The following PTPRJ variants were observed in gnomAD, a reference collection of about 807,000 sequenced individuals.
PTPRJ encodes the protein receptor-type tyrosine-protein phosphatase eta.
A neutral mutation model predicts 141.3 loss-of-function variants in PTPRJ; 129 were observed. The observed-to-expected ratio is 0.91, with a 90% CI of 0.79 to 1.06. The LOEUF is 1.06. Ranked by LOEUF, PTPRJ falls within the 50% of genes least tolerant of loss-of-function variation. PTPRJ has a pLI of 0.00. For synonymous variants in PTPRJ, 610 were observed against 640.5 expected (o/e 0.95, Z 0.72); for missense variants, 1,601 against 1,679.7 (o/e 0.95, Z 0.82).
chr11:48,054,315 T>C lies in PTPRJ; in HGVS notation c.97-55743T>C, dbSNP rs150757776. ...GGGGGCCCCATTGTGCAACCTCTTA[T>C]ATAGCAAATTAGAGTTTACCAGGAA... is the stretch of plus-strand genomic sequence containing the variant. On this transcript the variant is annotated intron_variant, in intron 1 of 24. Transcript: ENST00000418331. Among the ~76,000 whole-genome samples, 922 of 152,352 alleles carry C rather than the reference T, an allele frequency of 6.1e-3. 11 individuals carry two copies. Among genetic ancestry groups the C allele is most frequent in the Non-Finnish European group, 8.0e-3 (542 of 68,032 alleles).
intron 24 of PTPRJ, among the ~76,000 whole-genome samples, chr11:48,165,276 A>G (rs550795986): frequency 6.6e-6 from 1 of 152,350 alleles, no homozygotes; most frequent in South Asian, 2.1e-4. Flanking sequence ...TAATACAGCA[A>G]TTTATCCTCA....
chr11:48,144,573 G>A, intron 12 of PTPRJ, 102 bp from the exon 13 acceptor site: 1 of 906,608 alleles, frequency 1.1e-6, no homozygotes, highest in South Asian at 1.6e-5. Flanking sequence ...AGAGATGGTT[G>A]CTGATCACTA....
intron 14 of PTPRJ, among the ~76,000 whole-genome samples, chr11:48,146,613 AG>A: frequency 6.6e-6 from 1 of 152,186 alleles, no homozygotes; most frequent in Non-Finnish European, 1.5e-5. Context: ...AGACCTGGAG[AG>A]GAACAGTAAC....
intron 1 of PTPRJ, among the ~76,000 whole-genome samples, chr11:48,021,376 AAAAT>A (rs71457241): frequency 0.35 from 47,799 of 136,070 alleles, 9,516 homozygotes; most frequent in Non-Finnish European, 0.44. Flanking sequence ...CTCCGTCCCT[AAAAT>A]AAATAAATAA....
chr11:48,091,136 G>A (rs998101396), intron 1 of PTPRJ, among the ~76,000 whole-genome samples: 26 of 152,154 alleles, frequency 1.7e-4, no homozygotes, highest in African/African-American at 5.3e-4. Flanking sequence ...GTTGTGCCCC[G>A]AGGAGGAAGG....
Position 48,168,476 on chromosome 11 carries a change from C to T in PTPRJ, c.*1114C>T, listed in dbSNP as rs1299814257. The T allele has an allele frequency of 2.1e-5, 3 of 144,072 alleles. No homozygotes were observed. The highest frequency in any genetic ancestry group is 4.5e-5 in the Non-Finnish European group (3 of 66,346). 8.9% of individuals were successfully genotyped at this position (144,072 alleles called of 1,614,324 possible). A position where few individuals can be genotyped will look rare whatever the true frequency, so the allele number is the denominator to read the frequency against. On this transcript the variant is annotated 3_prime_UTR_variant, in exon 25 of 25. Transcript: ENST00000418331. ...TTCAGTGTCAGATTAATCCCTCCTTCCCCAAAGTCCACTGGCTTTCGTCTC... is the reference window on the plus strand; with the variant it reads ...TTCAGTGTCAGATTAATCCCTCCTTTCCCAAAGTCCACTGGCTTTCGTCTC...
intron 1 of PTPRJ, among the ~76,000 whole-genome samples, chr11:48,021,489 G>A (rs1855123966): frequency 6.6e-6 from 1 of 152,102 alleles, no homozygotes; most frequent in Non-Finnish European, 1.5e-5. Context: ...TAGATGTTAT[G>A]GAAGCCCCAG....
At chr11:48,099,432 G>A (rs1265902143) in intron 1 of PTPRJ, among the ~76,000 whole-genome samples, 6 of 152,156 alleles carry the variant, frequency 3.9e-5, no homozygotes, top group Non-Finnish European at 8.8e-5. Context: ...ACATATCATC[G>A]ATGGCTGGTT....
intron 1 of PTPRJ, among the ~76,000 whole-genome samples, chr11:48,069,193 G>T (rs1012834041): frequency 6.6e-6 from 1 of 151,340 alleles, no homozygotes; most frequent in Non-Finnish European, 1.5e-5. Flanking sequence ...TCCGCCTCCC[G>T]GGATAAAGCG....
intron 1 of PTPRJ, among the ~76,000 whole-genome samples, chr11:48,003,652 T>C (rs1159748781): frequency 6.6e-6 from 1 of 152,124 alleles, no homozygotes; most frequent in Admixed American, 6.6e-5. Context: ...CCCACCACCA[T>C]GCCCAGCTAA....
In PTPRJ at chr11:48,163,539, C is replaced by G. The variant is rs1204697594; in HGVS notation, c.3640C>G (p.Leu1214Val). The G allele has an allele frequency of 1.2e-6, 2 of 1,613,894 alleles. No individual in the cohort carries two copies. Among genetic ancestry groups the G allele is most frequent in the Non-Finnish European group, 1.7e-6 (2 of 1,179,760 alleles). Reference protein sequence around the residue: ...PDHGVPDTTDLLINFRYLVRD... With the variant: ...PDHGVPDTTDVLINFRYLVRD... ...CCACGGTGTTCCCGACACCACTGACCTGCTCATCAACTTCCGGTACCTCGT... is the reference window on the plus strand; with the variant it reads ...CCACGGTGTTCCCGACACCACTGACGTGCTCATCAACTTCCGGTACCTCGT... The change falls in exon 23 of 25, where the codon CTG becomes GTG. Residue 1214 changes from leucine to valine, a missense_variant. Physicochemically the swap from Leu to Val is conservative, Grantham distance 32. Coordinates refer to ENST00000418331, the MANE Select transcript of PTPRJ (RefSeq NM_002843.4).
intron 18 of PTPRJ, among the ~76,000 whole-genome samples, chr11:48,152,399 C>T (rs1400094831): frequency 6.6e-6 from 1 of 151,966 alleles, no homozygotes; most frequent in Non-Finnish European, 1.5e-5. Flanking sequence ...CTGTAGGTTG[C>T]CTGTTCACTC....
At chr11:48,022,859 A>G (rs1853690979) in intron 1 of PTPRJ, among the ~76,000 whole-genome samples, 1 of 152,146 alleles carries the variant, frequency 6.6e-6, no homozygotes, top group Non-Finnish European at 1.5e-5. Flanking sequence ...AGATGACCCA[A>G]GGACTCTTTC....
At chr11:48,109,401 C>A (rs1156768386) in intron 1 of PTPRJ, among the ~76,000 whole-genome samples, 1 of 152,110 alleles carries the variant, frequency 6.6e-6, no homozygotes. Context: ...CAATGAATAT[C>A]CTTGAGGGCT....
intron 1 of PTPRJ, among the ~76,000 whole-genome samples, chr11:48,095,189 T>C (rs1855972364): frequency 6.6e-6 from 1 of 152,210 alleles, no homozygotes; most frequent in Non-Finnish European, 1.5e-5. Context: ...CACAGAGTCC[T>C]GTTGTCTCAG....
At chr11:48,069,736 C>T (rs58907111) in intron 1 of PTPRJ, among the ~76,000 whole-genome samples, 2,480 of 152,288 alleles carry the variant, frequency 0.016, 71 homozygotes, top group African/African-American at 0.057. Context: ...CAGGCCTCTG[C>T]GCCTGGCCTT....
At chr11:48,106,334 C>T (rs1856287451) in intron 1 of PTPRJ, among the ~76,000 whole-genome samples, 1 of 152,176 alleles carries the variant, frequency 6.6e-6, no homozygotes. Context: ...TACATGTGTG[C>T]ACCTGGAGCT....
In PTPRJ at chr11:48,153,492, CAAAAAAAAAAAAA is replaced by C. The variant is rs59516853; in HGVS notation, c.3139-290_3139-278del. Among the ~76,000 whole-genome samples the C allele has an allele frequency of 8.4e-3, 572 of 68,452 alleles. 4 individuals are homozygous for C. Among genetic ancestry groups the C allele is most frequent in the African/African-American group, 0.036 (553 of 15,236 alleles). 44.9% of individuals were successfully genotyped at this position (68,452 alleles called of 152,430 possible). On this transcript the variant is annotated intron_variant, in intron 18 of 24. Coordinates refer to ENST00000418331, the MANE Select transcript of PTPRJ (RefSeq NM_002843.4). ...TGGGCGACAGAGCGAGACTCTGTCT[CAAAAAAAAAAAAA>C]AAAAAAAAAAAAAGAAAACAGGAAG...
rs1857120384 is a variant in PTPRJ at position 48,137,101 on chromosome 11, T to C, written c.1972T>C (p.Cys658Arg). The change falls in exon 10 of 25, where the codon TGC (cysteine) becomes CGC (arginine). Residue 658 changes from cysteine (C) to arginine (R), a missense_variant. By Grantham distance (180) the Cys-to-Arg change is radical. Transcript: ENST00000418331. ...FDDASPTYSY[C>R]LLIEKAGNSS... ...TGACGCCTCTCCCACGTACTCCTACTGCCTTCTTATTGAGAAGGCTGGAAA... is the reference window on the plus strand; with the variant it reads ...TGACGCCTCTCCCACGTACTCCTACCGCCTTCTTATTGAGAAGGCTGGAAA... The C allele has an allele frequency of 6.2e-7, 1 of 1,607,668 alleles. No homozygotes were observed. The highest frequency in any genetic ancestry group is 1.3e-5 in the African/African-American group (1 of 74,902).
Sources: gnomAD v4.1 joint callset for allele counts (sites outside exome capture counted in the v4.1 genomes callset) on GRCh38, gnomAD v4.1.1 for gene constraint, MANE v1.5 for transcripts, NCBI Gene and HGNC (gene_info 2026-07-23, HGNC 2026-07-21) for gene names.